PDE12: variants seen among roughly 807,000 people sequenced by gnomAD.
PDE12 encodes 2',5'-phosphodiesterase 12.
Under a neutral mutation model 45.4 loss-of-function variants are expected in PDE12, and 26 were observed. The observed-to-expected ratio is 0.57, with a 90% CI of 0.42 to 0.79. PDE12 has a LOEUF of 0.79. Among genes scored for constraint, PDE12 ranks in the 30% least tolerant of loss-of-function variants. The pLI, the probability that PDE12 is intolerant of heterozygous loss-of-function variation, is 0.00. For missense variants in PDE12, 668 were observed against 790.0 expected, an observed-to-expected ratio of 0.85 and a Z score of 1.85; for synonymous variants, 283 against 323.9, an observed-to-expected ratio of 0.87 and a Z score of 1.36.
At chr3:57,620,949 A>C in the PDE12 span, among the ~76,000 whole-genome samples, 59 of 152,310 alleles carry the variant, frequency 3.9e-4, no homozygotes, top group Non-Finnish European at 1.9e-4. Flanking sequence ...CCCAGCAGGA[A>C]TTTGTGTAGA....
At chr3:57,641,241 ATATAT>A in the PDE12 span, among the ~76,000 whole-genome samples, 5 of 143,742 alleles carry the variant, frequency 3.5e-5, no homozygotes, top group African/African-American at 5.0e-5. Context: ...ATATTTAAAT[ATATAT>A]TATATATTTA....
At chr3:57,559,161 C>T (rs887526504) in intron 1 of PDE12, 149 bp from the exon 2 acceptor site, 100 of 596,994 alleles carry the variant, frequency 1.7e-4, no homozygotes, top group African/African-American at 1.4e-3. Context: ...GCGGAGCTTG[C>T]AGTGAGCCGA....
chr3:57,601,213 G>C, the PDE12 span, among the ~76,000 whole-genome samples: 1 of 151,926 alleles, frequency 6.6e-6, no homozygotes, highest in African/African-American at 2.4e-5. Context: ...GGGTTCCAGC[G>C]ATTCTCCTGT....
At chr3:57,585,048 G>A in the PDE12 span, among the ~76,000 whole-genome samples, 2 of 152,110 alleles carry the variant, frequency 1.3e-5, no homozygotes, top group Non-Finnish European at 2.9e-5. Context: ...ATTTTTAGTA[G>A]AGACGGGGTT....
chr3:57,607,358 C>G, the PDE12 span, among the ~76,000 whole-genome samples: 1 of 152,154 alleles, frequency 6.6e-6, no homozygotes. Flanking sequence ...AGGAACGCAG[C>G]TCCTCACCAG....
At chr3:57,640,228 C>T in the PDE12 span, among the ~76,000 whole-genome samples, 11 of 147,874 alleles carry the variant, frequency 7.4e-5, no homozygotes, top group Non-Finnish European at 1.5e-4. Flanking sequence ...GAGATCATGC[C>T]ACTGCACTCC....
At chr3:57,572,332 C>CA in the PDE12 span, 2 of 1,508,920 alleles carry the variant, frequency 1.3e-6, no homozygotes, top group African/African-American at 2.8e-5. Context: ...ACTTGATTAA[C>CA]AAAGTTAATA....
the PDE12 span, among the ~76,000 whole-genome samples, chr3:57,638,166 A>C: frequency 6.6e-6 from 1 of 152,132 alleles, no homozygotes; most frequent in East Asian, 1.9e-4. Context: ...ACTTCTGTGC[A>C]TCAAAGGACA....
At chr3:57,630,201 T>C in the PDE12 span, 4 of 459,312 alleles carry the variant, frequency 8.7e-6, no homozygotes, top group African/African-American at 2.1e-5. Flanking sequence ...CATGATGCAG[T>C]TCATAACACA....
chr3:57,568,206 G>A (rs1375184352), downstream of PDE12, among the ~76,000 whole-genome samples: 1 of 151,756 alleles, frequency 6.6e-6, no homozygotes, highest in Non-Finnish European at 1.5e-5. Context: ...GCTCATACCT[G>A]TAATCCCAGC....
At chr3:57,589,077 G>A in the PDE12 span, among the ~76,000 whole-genome samples, 2 of 148,708 alleles carry the variant, frequency 1.3e-5, no homozygotes, top group Admixed American at 1.4e-4. Context: ...ACTCCAACCT[G>A]GGCAACAGGA....
At chr3:57,629,783 A>G in the PDE12 span, among the ~76,000 whole-genome samples, 5 of 151,718 alleles carry the variant, frequency 3.3e-5, no homozygotes, top group Admixed American at 1.3e-4. Flanking sequence ...CAGCCTCCCA[A>G]AGTGCTGGGA....
chr3:57,642,745 C>T, the PDE12 span, among the ~76,000 whole-genome samples: 1 of 152,126 alleles, frequency 6.6e-6, no homozygotes, highest in Non-Finnish European at 1.5e-5. Flanking sequence ...TGGCTCACGC[C>T]TGTAATCCCA....
At chr3:57,584,548 C>A in the PDE12 span, 1 of 1,244,452 alleles carries the variant, frequency 8.0e-7, no homozygotes. Flanking sequence ...TAGTTCAAAA[C>A]TAGAAGTTGA....
chr3:57,583,776 G>A, the PDE12 span: 6 of 706,926 alleles, frequency 8.5e-6, no homozygotes, highest in Admixed American at 1.4e-4. Context: ...TGTGGAAGTG[G>A]TGATAAGACA....
chr3:57,577,529 T>C, the PDE12 span: 1 of 646,784 alleles, frequency 1.5e-6, no homozygotes, highest in Admixed American at 2.8e-5. Context: ...GCTGTAATGC[T>C]AAAAGCTGAT....
At chr3:57,580,706 C>T in the PDE12 span, among the ~76,000 whole-genome samples, 1 of 151,986 alleles carries the variant, frequency 6.6e-6, no homozygotes, top group East Asian at 1.9e-4. Flanking sequence ...GAAACCTACC[C>T]TTTACAAGAG....
At chr3:57,633,528 A>C in the PDE12 span, among the ~76,000 whole-genome samples, 1 of 152,214 alleles carries the variant, frequency 6.6e-6, no homozygotes, top group African/African-American at 2.4e-5. Flanking sequence ...CTGTGAAAAT[A>C]ATCTTTACCG....
chr3:57,645,343 C>T, the PDE12 span, among the ~76,000 whole-genome samples: 1 of 152,080 alleles, frequency 6.6e-6, no homozygotes, highest in Non-Finnish European at 1.5e-5. Context: ...TGCCTGTAAT[C>T]CCAGCTACTC....
Sources: allele counts gnomAD v4.1 joint callset (sites outside exome capture counted in the v4.1 genomes callset), GRCh38; gene constraint gnomAD v4.1.1; transcripts MANE v1.5; gene names NCBI Gene and HGNC (gene_info 2026-07-23, HGNC 2026-07-21).